Variants in PCDHGA1 observed in about 807,000 individuals in gnomAD.
PCDHGA1 encodes the protein protocadherin gamma subfamily A, 1.
In PCDHGA1, 32 loss-of-function variants were observed where a neutral mutation model predicts 58.0. The observed-to-expected ratio is 0.55, with a 90% CI of 0.42 to 0.74. The LOEUF (loss-of-function observed/expected upper bound fraction) is 0.74, where lower values mean the gene tolerates loss of function less well. Among genes scored for constraint, PCDHGA1 ranks in the 30% least tolerant of loss-of-function variants. The pLI, the probability that PCDHGA1 is intolerant of heterozygous loss-of-function variation, is 0.00. For missense variants in PCDHGA1, 1,205 were observed against 1,182.3 expected (o/e 1.02, Z -0.28); for synonymous variants, 498 against 501.1 (o/e 0.99, Z 0.08).
chr5:141,374,474 C>G (rs762306215), intron 1 of PCDHGA1: 1 of 1,612,258 alleles, frequency 6.2e-7, no homozygotes, highest in Middle Eastern at 1.7e-4. Context: ...TGACAATACA[C>G]CCCGATTCTT....
intron 1 of PCDHGA1, chr5:141,422,075 G>A (rs1192481253): frequency 1.9e-6 from 3 of 1,612,092 alleles, no homozygotes; most frequent in East Asian, 2.2e-5. Flanking sequence ...TATTCATTTC[G>A]GAACATGGAA....
chr5:141,432,215 C>T lies in PCDHGA1; in HGVS notation c.2422-62592C>T. The T allele has an allele frequency of 1.9e-6, 3 of 1,614,228 alleles. No individual in the cohort carries two copies. The highest frequency in any genetic ancestry group is 2.5e-6 in the Non-Finnish European group (3 of 1,180,036). The stretch of plus-strand genomic sequence containing the variant: ...CGACCCCGACTGTGAAGAGAACGCC[C>T]AGATCACTTATTCCCTGGCTGAGAA... On this transcript the variant is annotated intron_variant, in intron 1 of 3. Transcript: ENST00000517417. This position sits in a 1 kb window ranked among gnomAD's most constrained non-coding sequence, Gnocchi z 6.0.
chr5:141,389,837 A>C, intron 1 of PCDHGA1: 2 of 1,613,842 alleles, frequency 1.2e-6, no homozygotes, highest in South Asian at 2.2e-5. Context: ...GACAGCCACC[A>C]CTCTCGGCCA....
intron 1 of PCDHGA1, among the ~76,000 whole-genome samples, chr5:141,407,505 T>TTTTTTTTTTTTTTTTTTTTTTTGAG (rs1460306566): frequency 6.6e-6 from 1 of 152,146 alleles, no homozygotes; most frequent in Non-Finnish European, 1.5e-5. Context: ...CTGTTTTTCT[T>TTTTTTTTTTTTTTTTTTTTTTTGAG]AGGCTATGTA....
At chr5:141,392,806 A>C (rs2092599321) in intron 1 of PCDHGA1, 1 of 1,576,662 alleles carries the variant, frequency 6.3e-7, no homozygotes, top group Non-Finnish European at 8.6e-7. Flanking sequence ...TTCTGCAGCA[A>C]AACAACAATG....
chr5:141,331,197 A>G lies in PCDHGA1; in HGVS notation c.513A>G (p.Gln171=), dbSNP rs1756345590. ...DVGMNSLQSY[Q]LSSNPHFSLD... is the part of the protein sequence containing the mutation. ...GTATGAACTCACTCCAGAGCTACCA[A>G]CTCAGCTCTAACCCTCATTTCTCCC... The change falls in exon 1 of 4, where the codon CAA becomes CAG. Residue 171 remains glutamine (Q), a synonymous_variant. Transcript: ENST00000517417. The G allele has an allele frequency of 6.2e-7, 1 of 1,613,986 alleles. No homozygotes were observed. Among genetic ancestry groups the G allele is most frequent in the Non-Finnish European group, 8.5e-7 (1 of 1,180,002 alleles).
At chr5:141,461,051 A>G (rs1238514064) in intron 1 of PCDHGA1, among the ~76,000 whole-genome samples, 1 of 151,734 alleles carries the variant, frequency 6.6e-6, no homozygotes, top group East Asian at 1.9e-4. Flanking sequence ...ATGGGGACTT[A>G]GGTTGGTTTC....
chr5:141,386,113 A>G (rs187458187), intron 1 of PCDHGA1: 12 of 152,338 alleles, frequency 7.9e-5, no homozygotes, highest in Admixed American at 2.0e-4. Context: ...TGGGCTATCA[A>G]AGTGGGAGAT....
In PCDHGA1 at chr5:141,331,335, G is replaced by T. The variant is rs1294078550; in HGVS notation, c.651G>T (p.Gly217=). The change falls in exon 1 of 4, where the codon GGG becomes GGT. Residue 217 remains glycine, a synonymous_variant. Coordinates refer to ENST00000517417, the MANE Select transcript of PCDHGA1 (RefSeq NM_018912.3). ...ACCTCATCCTCACAGCTTCTGATGG[G>T]GGTGAACCAGTCCGTTCAGGGACCC... is the stretch of plus-strand genomic sequence containing the variant. The part of the protein sequence containing the change: ...VHHLILTASD[G]GEPVRSGTLR... 2.5e-6 allele frequency: 4 copies of T among 1,614,016 alleles called. No homozygotes were observed. The South Asian group carries it at 4.4e-5, about 18-fold the overall frequency.
chr5:141,388,509 C>T, intron 1 of PCDHGA1: 13 of 1,613,810 alleles, frequency 8.1e-6, no homozygotes, highest in Non-Finnish European at 1.1e-5. Flanking sequence ...GAAATCCTAC[C>T]ACTTGACTTT....
chr5:141,348,328 G>A (rs933861789), intron 1 of PCDHGA1, among the ~76,000 whole-genome samples: 4 of 152,170 alleles, frequency 2.6e-5, no homozygotes, highest in African/African-American at 7.2e-5. Context: ...GAATTTAAAA[G>A]GCCCATAGCC....
At chr5:141,374,208 G>C in intron 1 of PCDHGA1, 1 of 1,613,952 alleles carries the variant, frequency 6.2e-7, no homozygotes, top group Non-Finnish European at 8.5e-7. Context: ...CTGGAGAAAG[G>C]CTCCTTCGTA....
intron 1 of PCDHGA1, chr5:141,341,147 C>T (rs1456129001): frequency 6.2e-7 from 1 of 1,614,240 alleles, no homozygotes; most frequent in Non-Finnish European, 8.5e-7. Flanking sequence ...ACGCCTGCTG[C>T]AGGCTTCAGG....
chr5:141,387,670 C>T, intron 1 of PCDHGA1: 1 of 694,130 alleles, frequency 1.4e-6, no homozygotes, highest in Non-Finnish European at 2.3e-6. Flanking sequence ...CGCTCCAGAT[C>T]TCCTCGCGCA....
At chr5:141,460,368 G>A (rs1005554535) in intron 1 of PCDHGA1, among the ~76,000 whole-genome samples, 1 of 152,050 alleles carries the variant, frequency 6.6e-6, no homozygotes. Context: ...AAGTTTTATA[G>A]TTTTACCATT....
chr5:141,410,380 C>T, intron 1 of PCDHGA1: 1 of 1,614,072 alleles, frequency 6.2e-7, no homozygotes, highest in Non-Finnish European at 8.5e-7. Flanking sequence ...CTTGGGACTG[C>T]TTCCATCCTG....
At chr5:141,350,395 G>A in intron 1 of PCDHGA1, 1 of 1,599,332 alleles carries the variant, frequency 6.3e-7, no homozygotes, top group South Asian at 1.1e-5. Context: ...GCTCACGGGT[G>A]GGGAAACTTG....
chr5:141,375,953 G>A (rs752339386), intron 1 of PCDHGA1: 1 of 1,613,498 alleles, frequency 6.2e-7, no homozygotes, highest in African/African-American at 1.3e-5. Context: ...CCTGCACACG[G>A]GCGAGGTGCG....
At chr5:141,357,224 T>G in intron 1 of PCDHGA1, 1 of 1,613,828 alleles carries the variant, frequency 6.2e-7, no homozygotes, top group Non-Finnish European at 8.5e-7. Context: ...CTGGCTGACT[T>G]GGGCAGCCTC....
Sources: gnomAD v4.1 joint callset for allele counts (sites outside exome capture counted in the v4.1 genomes callset) on GRCh38, gnomAD v4.1.1 for gene constraint, Gnocchi (gnomAD v3.1) non-coding constraint, MANE v1.5 for transcripts, NCBI Gene and HGNC (gene_info 2026-07-23, HGNC 2026-07-21) for gene names.